Variants in KCNQ5 observed in about 807,000 individuals in gnomAD.
KCNQ5 encodes potassium voltage-gated channel subfamily Q member 5.
KCNQ5 carries 30 observed loss-of-function variants against 98.2 expected under a neutral mutation model. That is an observed-to-expected ratio of 0.31 (90% CI 0.23 to 0.41). The LOEUF (loss-of-function observed/expected upper bound fraction) is 0.41, where lower values mean the gene tolerates loss of function less well. KCNQ5 is among the 10% of genes least tolerant of loss of function. The probability of loss-of-function intolerance (pLI) is 1.00; values close to 1 mark genes in which losing one functional copy is unlikely to be tolerated. For missense variants in KCNQ5, 835 were observed against 1,182.5 expected (o/e 0.71, Z 4.31); for synonymous variants, 458 against 449.4 (o/e 1.02, Z -0.24).
At chr6:72,642,491 C>A (rs549483122) in intron 1 of KCNQ5, among the ~76,000 whole-genome samples, 2 of 151,850 alleles carry the variant, frequency 1.3e-5, no homozygotes, top group Admixed American at 6.6e-5. Flanking sequence ...ATGTGGCCAA[C>A]AAACATATGA....
intron 1 of KCNQ5, among the ~76,000 whole-genome samples, chr6:72,957,972 GACT>G (rs1452004334): frequency 6.6e-6 from 1 of 152,062 alleles, no homozygotes; most frequent in East Asian, 1.9e-4. Flanking sequence ...CCTTCAGAAT[GACT>G]ACATTATTTT....
At position 73,112,963 on chromosome 6, in the gene KCNQ5, A is replaced by ATT. The variant is rs59707829; in HGVS notation, c.1125+1571_1125+1572dup. On this transcript the variant is annotated intron_variant, in intron 7 of 13. Transcript: ENST00000370398. ...CTATTTTTTTACATTATTTTTTACA[A>ATT]TTTTTTTTTTTTACATATTCTTTAC... Among the ~76,000 whole-genome samples, 1,253 of 149,350 alleles carry ATT rather than the reference A, an allele frequency of 8.4e-3. 14 individuals carry two copies. Among genetic ancestry groups the ATT allele is most frequent in the African/African-American group, 0.026 (1,051 of 41,004 alleles).
intron 10 of KCNQ5, among the ~76,000 whole-genome samples, chr6:73,141,891 A>G (rs1776728991): frequency 6.6e-6 from 1 of 152,250 alleles, no homozygotes; most frequent in Non-Finnish European, 1.5e-5. Flanking sequence ...ACACATACTT[A>G]TAATCTCACA....
chr6:73,194,322 C>T (rs571464375), intron 13 of KCNQ5, 130 bp from the exon 14 acceptor site: 5 of 781,236 alleles, frequency 6.4e-6, no homozygotes, highest in African/African-American at 3.5e-5. Context: ...GTCAAGACTG[C>T]ATCGTACTTT....
At chr6:72,665,341 C>CA (rs57257881) in intron 1 of KCNQ5, among the ~76,000 whole-genome samples, 1,789 of 112,896 alleles carry the variant, frequency 0.016, 43 homozygotes, top group African/African-American at 0.048. Context: ...AATACCCTGT[C>CA]AAAAAAAAAA....
Position 72,960,585 on chromosome 6 carries a change from A to T in KCNQ5, c.399-43323A>T, listed in dbSNP as rs192956773. The stretch of plus-strand genomic sequence containing the variant: ...GCTGGGATTACAGGCACCCACCACC[A>T]TACCTGGCTAATTTGTATTTTTAGT... On this transcript the variant is annotated intron_variant, in intron 1 of 13. Coordinates refer to ENST00000370398, the MANE Select transcript of KCNQ5 (RefSeq NM_019842.4). Among the ~76,000 whole-genome samples, 422 of 152,052 alleles carry T rather than the reference A, an allele frequency of 2.8e-3. 4 individuals are homozygous for T. Among genetic ancestry groups the T allele is most frequent in the East Asian group, 0.024 (126 of 5,144 alleles).
chr6:72,800,498 T>C (rs999742534), intron 1 of KCNQ5, among the ~76,000 whole-genome samples: 1 of 152,226 alleles, frequency 6.6e-6, no homozygotes, highest in Non-Finnish European at 1.5e-5. Flanking sequence ...TTATTGCATC[T>C]ATTTGATTCT....
chr6:72,759,344 C>G (rs1772133349), intron 1 of KCNQ5, among the ~76,000 whole-genome samples: 1 of 152,104 alleles, frequency 6.6e-6, no homozygotes, highest in African/African-American at 2.4e-5. Flanking sequence ...CTGTCTCTTT[C>G]CTCATCCAGT....
intron 11 of KCNQ5, among the ~76,000 whole-genome samples, chr6:73,182,544 T>G (rs1322217027): frequency 6.6e-6 from 1 of 152,208 alleles, no homozygotes; most frequent in Non-Finnish European, 1.5e-5. Flanking sequence ...CATCCTGTAG[T>G]TAAAGCCCTT....
chr6:73,176,280 A>G (rs1778211324), intron 11 of KCNQ5, among the ~76,000 whole-genome samples: 2 of 152,166 alleles, frequency 1.3e-5, no homozygotes, highest in South Asian at 2.1e-4. Flanking sequence ...GTGAGTTCTC[A>G]TGAGATTGGT....
Position 72,802,311 on chromosome 6 carries a change from A to G in KCNQ5, c.398+179724A>G, listed in dbSNP as rs368298344. Among the ~76,000 whole-genome samples the G allele has an allele frequency of 2.5e-4, 38 of 152,214 alleles. No individual in the cohort carries two copies. The East Asian group carries it at 4.4e-3, about 18-fold the overall frequency. On this transcript the variant is annotated intron_variant, in intron 1 of 13. Transcript: ENST00000370398. ...TTTCACATAGTCCCATATTTCTTGG[A>G]GGCTTTGTTCGTTTCTTTTTATTCT...
intron 10 of KCNQ5, chr6:73,136,816 G>A (rs1374336458): frequency 6.6e-6 from 1 of 151,836 alleles, no homozygotes; most frequent in Non-Finnish European, 1.5e-5. Context: ...ACCTCTTTAG[G>A]TTTTAAGTAT....
intron 3 of KCNQ5, among the ~76,000 whole-genome samples, chr6:73,073,476 A>C (rs567407567): frequency 2.0e-5 from 3 of 152,162 alleles, no homozygotes; most frequent in Non-Finnish European, 2.9e-5. Flanking sequence ...CCCCCTTCCC[A>C]GCTATGACAA....
chr6:72,855,700 A>G (rs1461193042), intron 1 of KCNQ5, among the ~76,000 whole-genome samples: 1 of 152,228 alleles, frequency 6.6e-6, no homozygotes, highest in Non-Finnish European at 1.5e-5. Context: ...GCTTGGAAGT[A>G]AATGGTCTAT....
intron 5 of KCNQ5, among the ~76,000 whole-genome samples, chr6:73,100,311 A>G (rs6927134): frequency 0.73 from 111,752 of 152,110 alleles, 45,930 homozygotes; most frequent in South Asian, 0.94. Context: ...ACCCAAAGTT[A>G]GTAGGAGAAA....
intron 1 of KCNQ5, among the ~76,000 whole-genome samples, chr6:72,892,016 G>C (rs1779076338): frequency 6.6e-6 from 1 of 152,066 alleles, no homozygotes; most frequent in African/African-American, 2.4e-5. Flanking sequence ...GTAATGGTAT[G>C]TCTTTCTCAT....
At chr6:72,776,896 A>T (rs529569835) in intron 1 of KCNQ5, among the ~76,000 whole-genome samples, 1 of 152,320 alleles carries the variant, frequency 6.6e-6, no homozygotes, top group South Asian at 2.1e-4. Flanking sequence ...GAAATGAAGG[A>T]ACAGGTTCAT....
intron 1 of KCNQ5, among the ~76,000 whole-genome samples, chr6:72,880,977 A>G (rs1458348416): frequency 6.6e-6 from 1 of 152,240 alleles, no homozygotes; most frequent in Non-Finnish European, 1.5e-5. Context: ...TTGATGGAGC[A>G]GAGAGGATTA....
chr6:73,088,283 A>ATCTC (rs1774075649), intron 5 of KCNQ5, among the ~76,000 whole-genome samples: 1 of 152,016 alleles, frequency 6.6e-6, no homozygotes, highest in East Asian at 1.9e-4. Context: ...GGCCTCCCAA[A>ATCTC]GTGCTGAGAT....
Sources: allele counts gnomAD v4.1 joint callset (sites outside exome capture counted in the v4.1 genomes callset), GRCh38; gene constraint gnomAD v4.1.1; transcripts MANE v1.5; gene names NCBI Gene and HGNC (gene_info 2026-07-23, HGNC 2026-07-21).